The following ARID1B variants were observed in gnomAD, a reference collection of about 807,000 sequenced individuals.
ARID1B encodes the protein AT-rich interactive domain-containing protein 1B.
ARID1B carries 30 observed loss-of-function variants against 212.3 expected under a neutral mutation model. That is an observed-to-expected ratio of 0.14 (90% CI 0.11 to 0.19). ARID1B has a LOEUF of 0.19. Among genes scored for constraint, ARID1B ranks in the 10% least tolerant of loss-of-function variants. ARID1B has a pLI of 1.00. For synonymous variants in ARID1B, 1,402 were observed against 1,301.7 expected (o/e 1.08, Z -1.66); for missense variants, 2,891 against 3,204.0 (o/e 0.90, Z 2.36).
chr6:157,045,029 A>ATT (rs1782138925), intron 4 of ARID1B, among the ~76,000 whole-genome samples: 1 of 152,204 alleles, frequency 6.6e-6, no homozygotes, highest in African/African-American at 2.4e-5. Context: ...ATTGATTTAA[A>ATT]CACTAGGGAT....
intron 4 of ARID1B, chr6:157,036,609 A>G (rs919066873): frequency 4.0e-5 from 13 of 324,622 alleles, no homozygotes; most frequent in East Asian, 2.1e-4. Context: ...GATTCATTTG[A>G]TAGGAGCTCC....
intron 4 of ARID1B, among the ~76,000 whole-genome samples, chr6:157,055,051 G>A (rs1460471141): frequency 6.6e-6 from 1 of 152,228 alleles, no homozygotes; most frequent in Non-Finnish European, 1.5e-5. Context: ...TCCTCAGCTG[G>A]CATCAGCCGG....
chr6:156,883,135 T>G (rs953541556), intron 2 of ARID1B, among the ~76,000 whole-genome samples: 1 of 152,248 alleles, frequency 6.6e-6, no homozygotes, highest in African/African-American at 2.4e-5. Context: ...CGACAGCATC[T>G]TACTTCGGGG....
At chr6:157,031,904 C>T (rs1393431454) in intron 4 of ARID1B, among the ~76,000 whole-genome samples, 1 of 152,072 alleles carries the variant, frequency 6.6e-6, no homozygotes, top group African/African-American at 2.4e-5. Context: ...TGTTCTCCTG[C>T]CTCAGCCTCA....
intron 1 of ARID1B, among the ~76,000 whole-genome samples, chr6:156,813,803 C>T (rs7762788): frequency 0.22 from 33,774 of 152,066 alleles, 4,154 homozygotes; most frequent in Non-Finnish European, 0.28. Context: ...CAGACATTAC[C>T]TTATCAATAC....
intron 4 of ARID1B, among the ~76,000 whole-genome samples, chr6:156,952,073 G>T (rs1334997849): frequency 1.3e-5 from 2 of 152,150 alleles, no homozygotes; most frequent in Non-Finnish European, 2.9e-5. Flanking sequence ...AGCATAAAAC[G>T]TGTACCAGGG....
chr6:156,994,806 CTG>C (rs1249346160), intron 4 of ARID1B, among the ~76,000 whole-genome samples: 7 of 152,348 alleles, frequency 4.6e-5, no homozygotes, highest in Non-Finnish European at 8.8e-5. Context: ...CCAGTGGTCT[CTG>C]TGTCCCGGTG....
intron 8 of ARID1B, chr6:157,150,581 T>G (rs1790121385): frequency 6.0e-6 from 1 of 166,998 alleles, no homozygotes; most frequent in Non-Finnish European, 1.3e-5. Flanking sequence ...CCCCCACCCC[T>G]CAGGCAGCGG....
In ARID1B at chr6:157,201,286, G is replaced by A. The variant is rs556299458; in HGVS notation, c.5061G>A (p.Glu1687=). 15 of 1,614,070 alleles carry A rather than the reference G, an allele frequency of 9.3e-6. 1 individual carries two copies. In the African/African-American group the frequency reaches 1.1e-4, roughly 11 times the overall value. Reference sequence around the variant, plus strand: ...CAGCGTCCTTCCAGCGCTCCCTGGAGAACCGCATGTCTCCAAGCAAGTCTC... The same window carrying A: ...CAGCGTCCTTCCAGCGCTCCCTGGAAAACCGCATGTCTCCAAGCAAGTCTC... ...PSPASFQRSL[E]NRMSPSKSPF... Residue 1687 remains glutamate, a synonymous_variant, in exon 18 of 20, where the codon GAG becomes GAA. Transcript: ENST00000636930. The surrounding 1 kb of genome is among the most constrained non-coding windows in gnomAD (Gnocchi z 5.2).
At chr6:156,986,351 A>G (rs1777916608) in intron 4 of ARID1B, among the ~76,000 whole-genome samples, 1 of 152,136 alleles carries the variant, frequency 6.6e-6, no homozygotes, top group Admixed American at 6.5e-5. Flanking sequence ...ACAAAATTTC[A>G]TTTCAGTTTT....
At chr6:157,118,601 G>A (rs549915022) in intron 6 of ARID1B, among the ~76,000 whole-genome samples, 1 of 152,338 alleles carries the variant, frequency 6.6e-6, no homozygotes, top group Admixed American at 6.5e-5. Context: ...ACACCACTCT[G>A]GAAAGCTGCT....
intron 8 of ARID1B, among the ~76,000 whole-genome samples, chr6:157,161,126 A>G (rs1790901812): frequency 6.6e-6 from 1 of 152,216 alleles, no homozygotes; most frequent in Non-Finnish European, 1.5e-5. Context: ...AATTACTTAT[A>G]GCATGTCTCC....
intron 4 of ARID1B, chr6:156,976,305 C>T (rs1221970752): frequency 6.2e-6 from 1 of 162,242 alleles, no homozygotes. Flanking sequence ...CTGACATTCT[C>T]AAGAGCATCA....
At chr6:156,901,588 A>G in intron 3 of ARID1B, 63 bp downstream of exon 3, 1 of 1,535,120 alleles carries the variant, frequency 6.5e-7, no homozygotes, top group African/African-American at 1.4e-5. Flanking sequence ...CCGGCTCTGA[A>G]TCATCTTCCT....
intron 5 of ARID1B, among the ~76,000 whole-genome samples, chr6:157,093,702 A>G (rs761132195): frequency 7.2e-5 from 11 of 152,238 alleles, no homozygotes; most frequent in Non-Finnish European, 1.2e-4. Flanking sequence ...CTGAATGCCA[A>G]GAGTGTGACC....
intron 3 of ARID1B, among the ~76,000 whole-genome samples, chr6:156,905,246 GCACGCACA>G (rs1263751076): frequency 5.3e-5 from 4 of 76,004 alleles, no homozygotes; most frequent in African/African-American, 8.2e-5. Flanking sequence ...GCTCACATAT[GCACGCACA>G]CACACACACA....
At chr6:157,103,831 CTTTTTTT>C (rs869280492) in intron 5 of ARID1B, among the ~76,000 whole-genome samples, 2 of 118,358 alleles carry the variant, frequency 1.7e-5, no homozygotes, top group South Asian at 2.7e-4. Flanking sequence ...ATATTAACAA[CTTTTTTT>C]TTTTTTTTTT....
chr6:157,138,835 A>G (rs1393907556), intron 7 of ARID1B, among the ~76,000 whole-genome samples: 8 of 152,212 alleles, frequency 5.3e-5, no homozygotes, highest in Admixed American at 6.5e-5. Flanking sequence ...TCCTTCTTCT[A>G]TACTGTTATG....
At chr6:157,093,791 C>T (rs531309272) in intron 5 of ARID1B, among the ~76,000 whole-genome samples, 1 of 152,252 alleles carries the variant, frequency 6.6e-6, no homozygotes, top group South Asian at 2.1e-4. Flanking sequence ...GTTGGATATA[C>T]CAGGAGATAT....
Sources: gnomAD v4.1 joint callset for allele counts (sites outside exome capture counted in the v4.1 genomes callset) on GRCh38, gnomAD v4.1.1 for gene constraint, Gnocchi (gnomAD v3.1) non-coding constraint, MANE v1.5 for transcripts, NCBI Gene and HGNC (gene_info 2026-07-23, HGNC 2026-07-21) for gene names.